Variants in LINGO2 observed in about 807,000 individuals in gnomAD.
LINGO2 encodes leucine-rich repeat and immunoglobulin-like domain-containing nogo receptor-interacting protein 2.
A neutral mutation model predicts 30.6 loss-of-function variants in LINGO2; 14 were observed. That is an observed-to-expected ratio of 0.46 (90% CI 0.30 to 0.72). The LOEUF is 0.72. LINGO2 is among the 30% of genes least tolerant of loss of function. The pLI is 0.07. For missense variants in LINGO2, 729 were observed against 751.7 expected (o/e 0.97, Z 0.35); for synonymous variants, 317 against 288.5 (o/e 1.10, Z -1.00).
intron 1 of LINGO2, among the ~76,000 whole-genome samples, chr9:28,595,851 A>G (rs1389905704): frequency 6.6e-6 from 1 of 152,170 alleles, no homozygotes; most frequent in African/African-American, 2.4e-5. Flanking sequence ...CAACCAGATA[A>G]TAATAGCTGA....
chr9:28,670,159 T>C (rs1828957478), intron 1 of LINGO2, 41 bp downstream of exon 3: 3 of 152,132 alleles, frequency 2.0e-5, no homozygotes, highest in African/African-American at 7.2e-5. Flanking sequence ...TCCTATTTCA[T>C]TTCATCCTGA....
chr9:28,420,069 A>G (rs1823128482), intron 2 of LINGO2, among the ~76,000 whole-genome samples: 1 of 152,108 alleles, frequency 6.6e-6, no homozygotes, highest in Non-Finnish European at 1.5e-5. Flanking sequence ...GAGGAAGAAT[A>G]GAATTCATCT....
chr9:28,498,167 C>T (rs1014666387), intron 1 of LINGO2, among the ~76,000 whole-genome samples: 11 of 152,098 alleles, frequency 7.2e-5, no homozygotes, highest in Non-Finnish European at 1.0e-4. Flanking sequence ...CTGGGAGAAC[C>T]GCTACTCTCT....
intron 3 of LINGO2, among the ~76,000 whole-genome samples, chr9:28,365,973 G>T (rs1442193220): frequency 6.6e-6 from 1 of 152,054 alleles, no homozygotes; most frequent in East Asian, 1.9e-4. Flanking sequence ...TTTCCCAGGG[G>T]AGCTGCATTG....
chr9:28,342,446 T>C (rs568484964), intron 3 of LINGO2, among the ~76,000 whole-genome samples: 3 of 152,256 alleles, frequency 2.0e-5, no homozygotes, highest in Non-Finnish European at 2.9e-5. Context: ...GTCTCAGTCA[T>C]GCTGCAGTGA....
At chr9:28,818,662 A>G in the LINGO2 span, among the ~76,000 whole-genome samples, 1 of 152,196 alleles carries the variant, frequency 6.6e-6, no homozygotes, top group Non-Finnish European at 1.5e-5. Context: ...CTGGGATTAC[A>G]GGCATGAGCC....
chr9:28,637,616 T>C (rs1416632798), intron 1 of LINGO2, among the ~76,000 whole-genome samples: 1 of 152,188 alleles, frequency 6.6e-6, no homozygotes, highest in Non-Finnish European at 1.5e-5. Flanking sequence ...GATTTGGTTC[T>C]CTGTTTATCT....
At chr9:28,036,320 G>A (rs1823932627) in intron 4 of LINGO2, among the ~76,000 whole-genome samples, 1 of 152,142 alleles carries the variant, frequency 6.6e-6, no homozygotes, top group African/African-American at 2.4e-5. Flanking sequence ...AAAAGCGAAA[G>A]GATACATGAG....
At chr9:28,014,776 G>C (rs1473538965) in intron 4 of LINGO2, among the ~76,000 whole-genome samples, 1 of 152,098 alleles carries the variant, frequency 6.6e-6, no homozygotes, top group Non-Finnish European at 1.5e-5. Context: ...ATAATTCTGT[G>C]TTGGTGGTTA....
intron 2 of LINGO2, among the ~76,000 whole-genome samples, chr9:28,421,391 T>TA (rs1021325216): frequency 3.1e-5 from 4 of 128,026 alleles, no homozygotes; most frequent in Non-Finnish European, 6.8e-5. Context: ...GCAATACCTA[T>TA]AAAAAACCCA....
intron 2 of LINGO2, among the ~76,000 whole-genome samples, chr9:28,441,852 G>A (rs1824210029): frequency 6.6e-6 from 1 of 152,074 alleles, no homozygotes; most frequent in South Asian, 2.1e-4. Context: ...CTCTGTGGCT[G>A]TAAAAATTAT....
intron 4 of LINGO2, among the ~76,000 whole-genome samples, chr9:28,097,102 C>T (rs551024750): frequency 6.6e-6 from 1 of 152,026 alleles, no homozygotes; most frequent in African/African-American, 2.4e-5. Flanking sequence ...CATCACTGGC[C>T]ATCAGAGAAA....
chr9:28,749,734 G>C, the LINGO2 span, among the ~76,000 whole-genome samples: 1 of 152,024 alleles, frequency 6.6e-6, no homozygotes, highest in African/African-American at 2.4e-5. Context: ...ACTCACAAAA[G>C]TTTTAAATTT....
At chr9:28,436,866 G>C (rs1397105883) in intron 2 of LINGO2, among the ~76,000 whole-genome samples, 2 of 152,180 alleles carry the variant, frequency 1.3e-5, no homozygotes, top group African/African-American at 4.8e-5. Context: ...AGGCCTGATA[G>C]GGCAAGGGTA....
At chr9:28,606,136 A>G (rs894147389) in intron 1 of LINGO2, among the ~76,000 whole-genome samples, 2 of 152,022 alleles carry the variant, frequency 1.3e-5, no homozygotes, top group African/African-American at 4.8e-5. Flanking sequence ...CAGTTAAAAT[A>G]GTGGGTCTGA....
At chr9:27,946,899 A>G (rs1172673740), downstream of LINGO2, among the ~76,000 whole-genome samples, 1 of 152,114 alleles carries the variant, frequency 6.6e-6, no homozygotes, top group East Asian at 1.9e-4. Flanking sequence ...CTGATTGGCA[A>G]AATAATTTCT....
At chr9:28,948,286 T>C in the LINGO2 span, among the ~76,000 whole-genome samples, 1 of 152,098 alleles carries the variant, frequency 6.6e-6, no homozygotes, top group African/African-American at 2.4e-5. Flanking sequence ...CAGATGCTTG[T>C]GGATGTCTTT....
chr9:28,106,959 T>A (rs974300136), intron 4 of LINGO2, among the ~76,000 whole-genome samples: 10 of 152,222 alleles, frequency 6.6e-5, no homozygotes, highest in African/African-American at 2.4e-4. Context: ...AAAAACATTC[T>A]GAGCTTTCTC....
At chr9:28,718,530 C>T in the LINGO2 span, among the ~76,000 whole-genome samples, 4 of 151,998 alleles carry the variant, frequency 2.6e-5, no homozygotes, top group African/African-American at 9.7e-5. Flanking sequence ...CTTTCCTTCT[C>T]CCCTTCATCA....
Sources: allele counts gnomAD v4.1 joint callset (sites outside exome capture counted in the v4.1 genomes callset), GRCh38; gene constraint gnomAD v4.1.1; transcripts MANE v1.5; gene names NCBI Gene and HGNC (gene_info 2026-07-23, HGNC 2026-07-21).